RAB19: variants seen among roughly 807,000 people sequenced by gnomAD.
The protein encoded by RAB19 is RAB19, member RAS oncogene family, also known as ras-related protein Rab-19.
Under a neutral mutation model 17.3 loss-of-function variants are expected in RAB19, and 21 were observed. That is an observed-to-expected ratio of 1.21 (90% confidence interval 0.86 to 1.74). RAB19 has a LOEUF of 1.74. Among genes scored for constraint, RAB19 ranks in the 40% most tolerant of loss-of-function variants. RAB19 has a pLI of 0.00. For missense variants in RAB19, 277 were observed against 286.8 expected (o/e 0.97, Z 0.25); for synonymous variants, 126 against 110.4 (o/e 1.14, Z -0.88).
At chr7:140,418,158 T>C (rs1799493082) in intron 3 of RAB19, among the ~76,000 whole-genome samples, 3 of 152,094 alleles carry the variant, frequency 2.0e-5, no homozygotes, top group South Asian at 4.1e-4. Context: ...GGAAAAGATT[T>C]TCAAAATATT....
intron 3 of RAB19, among the ~76,000 whole-genome samples, chr7:140,422,879 G>A (rs1022728209): frequency 2.0e-5 from 3 of 152,182 alleles, no homozygotes; most frequent in African/African-American, 4.8e-5. Context: ...AGGCCAAGGC[G>A]GGTGGATCAC....
intron 2 of RAB19, chr7:140,411,024 A>C: frequency 7.3e-7 from 1 of 1,367,768 alleles, no homozygotes; most frequent in South Asian, 1.1e-5. Flanking sequence ...CCACGGGCAG[A>C]CTCAAAAGAT....
rs759183863 is a variant in RAB19, at chr7:140,407,664, A to T, written c.18A>T (p.Ser6=). MHFSS[S]ARAADENFDY... ...CAAGAACCATGCACTTCTCCAGCTC[A>T]GCCAGGGCAGCAGATGAGAACTTTG... The change falls in exon 2 of 4, where the codon TCA becomes TCT. Residue 6 remains serine, a synonymous_variant. Transcript: ENST00000537763. The T allele has an allele frequency of 5.6e-6, 9 of 1,613,948 alleles. No individual in the cohort carries two copies. The East Asian group carries it at 1.8e-4, about 32-fold the overall frequency.
intron 3 of RAB19, among the ~76,000 whole-genome samples, chr7:140,416,947 C>T (rs373293951): frequency 4.6e-5 from 7 of 151,798 alleles, no homozygotes; most frequent in South Asian, 2.1e-4. Context: ...AAAATTAAGC[C>T]GGGTGCGGTG....
chr7:140,408,449 TG>T (rs1585414255), intron 2 of RAB19, among the ~76,000 whole-genome samples: 1 of 149,826 alleles, frequency 6.7e-6, no homozygotes, highest in African/African-American at 2.5e-5. Flanking sequence ...TTTGGGGGGG[TG>T]GGGGAGTGTA....
chr7:140,414,365 G>T (rs1799418250), intron 3 of RAB19, among the ~76,000 whole-genome samples: 1 of 152,076 alleles, frequency 6.6e-6, no homozygotes, highest in African/African-American at 2.4e-5. Flanking sequence ...TCTGAAGGCA[G>T]CGACCTGTCT....
intron 2 of RAB19, among the ~76,000 whole-genome samples, chr7:140,408,390 A>G (rs907627122): frequency 6.6e-6 from 1 of 152,000 alleles, no homozygotes; most frequent in African/African-American, 2.4e-5. Context: ...CTAACTGTGA[A>G]GGTCAAATTT....
rs34940659 is a variant in RAB19, at chr7:140,427,141, C to CTTTTT, written c.*1008_*1012dup. On this transcript the variant is annotated 3_prime_UTR_variant, in exon 4 of 4. Coordinates refer to ENST00000537763, the MANE Select transcript of RAB19 (RefSeq NM_001008749.3). ...ACAGGCATGAGCCACCATGCCTGTT[C>CTTTTT]TTTTTTTTTTTTTTTTTTTTTGAGA... Among the ~76,000 whole-genome samples, 12 of 94,422 alleles carry CTTTTT rather than the reference C, an allele frequency of 1.3e-4. No individual in the cohort carries two copies. Among genetic ancestry groups the CTTTTT allele is most frequent in the Non-Finnish European group, 1.6e-4 (8 of 49,932 alleles). The allele number at this position is 94,422 out of a possible 152,430, so 61.9% of individuals were successfully genotyped here. A position where few individuals can be genotyped will look rare whatever the true frequency, so the allele number is the denominator to read the frequency against.
rs756273120 is a variant in RAB19, at chr7:140,426,000, A to C, written c.504A>C (p.Ile168=). ...CATCTGCCAAGGAGTCAAAGAACAT[A>C]GAAGAAGTCTTCGTGCTCATGGCCA... ...LETSAKESKN[I]EEVFVLMAKE... Residue 168 remains isoleucine, a synonymous_variant, in exon 4 of 4, where the codon ATA becomes ATC. Coordinates refer to ENST00000537763, the MANE Select transcript of RAB19 (RefSeq NM_001008749.3). The C allele has an allele frequency of 1.2e-6, 2 of 1,614,114 alleles. No individual in the cohort carries two copies. The highest frequency in any genetic ancestry group is 1.7e-6 in the Non-Finnish European group (2 of 1,180,008).
rs549438881 is a variant in RAB19, at chr7:140,424,263, T to TTCTC, written c.386-1618_386-1615dup. Among the ~76,000 whole-genome samples the TTCTC allele has an allele frequency of 5.9e-5, 9 of 152,034 alleles. No individual in the cohort carries two copies. The East Asian group carries it at 1.5e-3, about 26-fold the overall frequency. On this transcript the variant is annotated intron_variant, in intron 3 of 3. Coordinates refer to ENST00000537763, the MANE Select transcript of RAB19 (RefSeq NM_001008749.3). ...ACCTCTGCCTCCTGGGTTCAGGTGA[T>TTCTC]TCTCCTGCTTCAGCCTCCCAAGTAG...
chr7:140,424,555 G>A (rs1297978533), intron 3 of RAB19, among the ~76,000 whole-genome samples: 1 of 150,398 alleles, frequency 6.6e-6, no homozygotes, highest in Non-Finnish European at 1.5e-5. Context: ...ACCATTGGGG[G>A]AAACAGGGTG....
At chr7:140,424,331 A>G (rs1196074446) in intron 3 of RAB19, among the ~76,000 whole-genome samples, 10 of 143,688 alleles carry the variant, frequency 7.0e-5, no homozygotes, top group Admixed American at 3.5e-4. Context: ...CTAATTTTGT[A>G]TTTTTAGTAG....
chr7:140,413,305 A>ACCTGAGGTCG (rs1225008037), intron 3 of RAB19, among the ~76,000 whole-genome samples: 1 of 151,596 alleles, frequency 6.6e-6, no homozygotes. Context: ...ATTTGAAGTC[A>ACCTGAGGTCG]GGCAATGTGA....
chr7:140,405,387 AT>A (rs1452640115), intron 1 of RAB19, among the ~76,000 whole-genome samples: 2 of 151,772 alleles, frequency 1.3e-5, no homozygotes. Context: ...CGCCCGGCTA[AT>A]TTTTTGTATT....
At chr7:140,420,921 C>T (rs1415457874) in intron 3 of RAB19, among the ~76,000 whole-genome samples, 1 of 151,988 alleles carries the variant, frequency 6.6e-6, no homozygotes, top group African/African-American at 2.4e-5. Context: ...GAGACTGAGT[C>T]TTGCTCTGTC....
chr7:140,418,501 G>C (rs564728137), intron 3 of RAB19, among the ~76,000 whole-genome samples: 1 of 151,368 alleles, frequency 6.6e-6, no homozygotes, highest in South Asian at 2.1e-4. Flanking sequence ...GCTTGAACCC[G>C]GGAGGCAGAG....
rs1221518991 is a variant in RAB19, at chr7:140,410,871, G to A, written c.202-1003G>A. Reference sequence around the variant, plus strand: ...AAATTGCTACCCTCAGACACTGTGAGAGGCTGTGTGAATTGGTGCTGCCGC... The same window carrying A: ...AAATTGCTACCCTCAGACACTGTGAAAGGCTGTGTGAATTGGTGCTGCCGC... On this transcript the variant is annotated intron_variant, in intron 2 of 3. Transcript: ENST00000537763. The A allele has an allele frequency of 2.3e-6, 3 of 1,279,758 alleles. No homozygotes were observed. In the African/African-American group the frequency reaches 4.5e-5, roughly 19 times the overall value. The allele number at this position is 1,279,758 out of a possible 1,614,324, so 79.3% of individuals were successfully genotyped here. A position where few individuals can be genotyped will look rare whatever the true frequency, so the allele number is the denominator to read the frequency against.
chr7:140,422,981 G>C (rs1231538709), intron 3 of RAB19, among the ~76,000 whole-genome samples: 1 of 151,696 alleles, frequency 6.6e-6, no homozygotes, highest in African/African-American at 2.4e-5. Context: ...GGTGGTGTAT[G>C]CCTGTAATCC....
chr7:140,405,558 G>C (rs976689782), intron 1 of RAB19, among the ~76,000 whole-genome samples: 1 of 151,588 alleles, frequency 6.6e-6, no homozygotes, highest in Non-Finnish European at 1.5e-5. Flanking sequence ...GGCGGGGAGG[G>C]GGGGCGCAGG....
Sources: gnomAD v4.1 joint callset for allele counts (sites outside exome capture counted in the v4.1 genomes callset) on GRCh38, gnomAD v4.1.1 for gene constraint, MANE v1.5 for transcripts, NCBI Gene and HGNC (gene_info 2026-07-23, HGNC 2026-07-21) for gene names.